IL17B: variants seen among roughly 807,000 people sequenced by gnomAD.
The protein encoded by IL17B is interleukin-17B.
Under a neutral mutation model 14.7 loss-of-function variants are expected in IL17B, and 14 were observed. That is an observed-to-expected ratio of 0.95 (90% CI 0.63 to 1.49). The LOEUF is 1.49. Ranked by LOEUF, IL17B falls within the 40% of genes most tolerant of loss-of-function variation. The probability of loss-of-function intolerance (pLI) is 0.00; values close to 1 mark genes in which losing one functional copy is unlikely to be tolerated. For missense variants in IL17B, 233 were observed against 252.8 expected (o/e 0.92, Z 0.53); for synonymous variants, 105 against 94.8 (o/e 1.11, Z -0.62).
At chr5:149,382,800 ACCCACG>A (rs1463954143), upstream of IL17B, among the ~76,000 whole-genome samples, 9 of 152,130 alleles carry the variant, frequency 5.9e-5, no homozygotes, top group African/African-American at 1.9e-4. Flanking sequence ...TGCTCACTAA[ACCCACG>A]CCCAAGCCCA....
At chr5:149,380,993 G>C (rs1383860722), upstream of IL17B, among the ~76,000 whole-genome samples, 3 of 152,228 alleles carry the variant, frequency 2.0e-5, no homozygotes, top group African/African-American at 7.2e-5. Flanking sequence ...ACCGCAGGCT[G>C]TCCCAGCCCC....
At position 149,374,857 on chromosome 5, in the gene IL17B, A is replaced by G. The variant is rs1758481556; in HGVS notation, c.312-257T>C. 2.1e-6 allele frequency: 1 copy of G among 470,528 alleles called. No individual in the cohort carries two copies. Among genetic ancestry groups the G allele is most frequent in the Non-Finnish European group, 3.8e-6 (1 of 259,742 alleles). The allele number at this position is 470,528 out of a possible 1,614,324, so 29.1% of individuals were successfully genotyped here. ...CAGCTTCCTTCTTTCGTGCAGCCAG[A>G]TGCCCATCCCAGTACTAGGTTGCGC... On this transcript the variant is annotated intron_variant, in intron 2 of 2. Transcript: ENST00000261796. This position sits in a 1 kb window ranked among gnomAD's most constrained non-coding sequence, Gnocchi z 5.0.
rs1758458599 is a variant in IL17B, at chr5:149,374,380, A to G, written c.532T>C (p.Cys178Arg). 5 of 1,572,612 alleles carry G rather than the reference A, an allele frequency of 3.2e-6. No homozygotes were observed. Among genetic ancestry groups the G allele is most frequent in the Non-Finnish European group, 4.3e-6 (5 of 1,158,464 alleles). Residue 178 changes from cysteine (C) to arginine (R), a missense_variant, in exon 3 of 3, where the codon TGC (cysteine) becomes CGC (arginine). Cys to Arg is a radical substitution (Grantham distance 180). Coordinates refer to ENST00000261796, the MANE Select transcript of IL17B (RefSeq NM_014443.3). This position sits in a 1 kb window ranked among gnomAD's most constrained non-coding sequence, Gnocchi z 5.0. The stretch of plus-strand genomic sequence containing the variant: ...CTGGGCCAGGTGATTCAGAAGATGC[A>G]GGTGCAGCCCACAGCGATGGTCTCC... ...VMETIAVGCT[C>R]IF
intron 1 of IL17B, among the ~76,000 whole-genome samples, chr5:149,403,142 T>C (rs966580971): frequency 3.3e-5 from 5 of 152,022 alleles, no homozygotes; most frequent in African/African-American, 1.2e-4. Context: ...TGGAATGCAG[T>C]GATGCAATCT....
chr5:149,390,660 C>T (rs1319170465), intron 1 of IL17B, among the ~76,000 whole-genome samples: 1 of 150,110 alleles, frequency 6.7e-6, no homozygotes. Context: ...CAAGTCCCTT[C>T]GCCAACCCAG....
At chr5:149,399,540 G>A (rs1759167754) in intron 1 of IL17B, among the ~76,000 whole-genome samples, 1 of 152,062 alleles carries the variant, frequency 6.6e-6, no homozygotes, top group African/African-American at 2.4e-5. Context: ...GGGTGGGTGG[G>A]ACAGCCTTGT....
chr5:149,375,748 G>C (rs777524932), intron 2 of IL17B, among the ~76,000 whole-genome samples: 32 of 152,100 alleles, frequency 2.1e-4, no homozygotes, highest in Non-Finnish European at 8.8e-5. Context: ...AAATCAGCCA[G>C]GTATGCCTGT....
upstream of IL17B, among the ~76,000 whole-genome samples, chr5:149,380,780 G>A (rs2127618404): frequency 6.6e-6 from 1 of 152,356 alleles, no homozygotes; most frequent in African/African-American, 2.4e-5. Context: ...AGAAGGCAGG[G>A]TGAGAGGCGC....
chr5:149,379,792 G>A (rs1486714348), upstream of IL17B, among the ~76,000 whole-genome samples: 1 of 152,134 alleles, frequency 6.6e-6, no homozygotes, highest in Non-Finnish European at 1.5e-5. Flanking sequence ...CACCCCTCTA[G>A]ATCACAGTCA....
intron 1 of IL17B, among the ~76,000 whole-genome samples, chr5:149,377,325 C>T (rs1293407680): frequency 1.3e-5 from 2 of 152,238 alleles, no homozygotes; most frequent in Non-Finnish European, 2.9e-5. Flanking sequence ...TCCCACCCCT[C>T]GTGTCAGCTT....
Position 149,387,241 on chromosome 5 carries a change from G to T in IL17B, n.96-10216C>A, listed in dbSNP as rs73795996. On this transcript the variant is annotated intron_variant and non_coding_transcript_variant, in intron 1 of 2. Transcript: ENST00000505432. ...AATCTTGCCAAATTTCCATTGGAAG[G>T]TCAGTTCTCATAAATACTGTGAGGA... Among the ~76,000 whole-genome samples the T allele has an allele frequency of 6.4e-3, 979 of 152,302 alleles. 15 individuals carry two copies. The highest frequency in any genetic ancestry group is 0.022 in the African/African-American group (929 of 41,570).
At chr5:149,379,078 A>T in intron 1 of IL17B, 127 bp downstream of exon 1, 1 of 1,096,552 alleles carries the variant, frequency 9.1e-7, no homozygotes, top group Non-Finnish European at 1.4e-6. Flanking sequence ...CCTGGGGGAG[A>T]AGACAGAGAA....
intron 1 of IL17B, among the ~76,000 whole-genome samples, chr5:149,377,749 T>G (rs934660571): frequency 6.6e-5 from 10 of 151,138 alleles, no homozygotes; most frequent in African/African-American, 1.2e-4. Flanking sequence ...AAGGGACATG[T>G]CAGGTGAGGC....
chr5:149,380,283 G>A (rs1249149099), upstream of IL17B, among the ~76,000 whole-genome samples: 1 of 152,170 alleles, frequency 6.6e-6, no homozygotes, highest in African/African-American at 2.4e-5. Context: ...AATCACCTAT[G>A]TTAAATAGCT....
intron 1 of IL17B, among the ~76,000 whole-genome samples, chr5:149,392,464 G>T (rs972448173): frequency 3.9e-5 from 6 of 152,226 alleles, no homozygotes; most frequent in African/African-American, 1.4e-4. Flanking sequence ...AGTAAATGAA[G>T]TAAGGTGCAT....
Position 149,376,874 on chromosome 5 carries a change from CG to C in IL17B, c.172del (p.Arg58AlafsTer16), listed in dbSNP as rs1758556381. On this transcript the variant is annotated frameshift_variant, in exon 2 of 3. Coordinates refer to ENST00000261796, the MANE Select transcript of IL17B (RefSeq NM_014443.3). LOFTEE classifies it high-confidence loss of function. ...DLVSRMKPYA[R>X]MEEYERNIEE... ...GATGTTCCTCTCATACTCCTCCATG[CG>C]GGCATACGGTTTCATCCGTGACACC... is the stretch of plus-strand genomic sequence containing the variant. 2 of 1,614,164 alleles carry C rather than the reference CG, an allele frequency of 1.2e-6. No homozygotes were observed. Among genetic ancestry groups the C allele is most frequent in the Non-Finnish European group, 1.7e-6 (2 of 1,180,024 alleles).
Position 149,377,009 on chromosome 5 carries a change from A to G in IL17B, c.38T>C (p.Ile13Thr). ...CTGGCCCAGCCCCAGGAAGATGGAA[A>G]TGGTAAGAAGAAACAGCTGGGGAGG... ...WPHNLLFLLTISIFLGLGQPR... is the reference protein window; with the variant it reads ...WPHNLLFLLTTSIFLGLGQPR... Residue 13 changes from isoleucine to threonine, a missense_variant, in exon 2 of 3, where the codon ATT becomes ACT. By Grantham distance (89) the Ile-to-Thr change is moderately conservative (BLOSUM62 -1). Coordinates refer to ENST00000261796, the MANE Select transcript of IL17B (RefSeq NM_014443.3). 3.2e-6 allele frequency: 5 copies of G among 1,559,566 alleles called. No homozygotes were observed. Among genetic ancestry groups the G allele is most frequent in the Non-Finnish European group, 4.3e-6 (5 of 1,158,506 alleles).
intron 1 of IL17B, among the ~76,000 whole-genome samples, chr5:149,384,830 G>A (rs1036446070): frequency 1.3e-5 from 2 of 151,934 alleles, no homozygotes; most frequent in Admixed American, 1.3e-4. Context: ...TATCAGCAGA[G>A]AGCAGAACAC....
intron 1 of IL17B, among the ~76,000 whole-genome samples, chr5:149,387,358 C>T (rs1238255714): frequency 1.3e-5 from 2 of 152,204 alleles, no homozygotes; most frequent in African/African-American, 4.8e-5. Context: ...TGTGAGAAGG[C>T]AGCTTCAAGG....
Sources: allele counts gnomAD v4.1 joint callset (sites outside exome capture counted in the v4.1 genomes callset), GRCh38; gene constraint gnomAD v4.1.1; non-coding constraint Gnocchi (gnomAD v3.1); transcripts MANE v1.5; gene names NCBI Gene and HGNC (gene_info 2026-07-23, HGNC 2026-07-21).